ATP11A: variants seen among roughly 807,000 people sequenced by gnomAD.
The protein encoded by ATP11A is ATPase phospholipid transporting 11A.
A neutral mutation model predicts 154.4 loss-of-function variants in ATP11A; 81 were observed. That is an observed-to-expected ratio of 0.52 (90% confidence interval 0.44 to 0.63). ATP11A has a LOEUF of 0.63. ATP11A is among the 30% of genes least tolerant of loss of function. ATP11A has a pLI of 0.00. For missense variants in ATP11A, 1,316 were observed against 1,474.3 expected (o/e 0.89, Z 1.76); for synonymous variants, 623 against 585.9 (o/e 1.06, Z -0.91).
rs57337881 is a variant in ATP11A at position 112,859,700 on chromosome 13, G to C, written c.2727+248G>C. On this transcript the variant is annotated intron_variant, in intron 23 of 29. Transcript: ENST00000375645. This position sits in a 1 kb window ranked among gnomAD's most constrained non-coding sequence, Gnocchi z 4.3. ...TGAAACTGCCGTGGCCCTGAGATGC[G>C]GGCCAGTGATGATGTGGTCTCCTCA... 6.6e-6 allele frequency among the ~76,000 whole-genome samples: 1 copy of C among 152,276 alleles called. No homozygotes were observed. The highest frequency in any genetic ancestry group is 2.4e-5 in the African/African-American group (1 of 41,542).
At chr13:112,718,112 C>T (rs1594401127) in intron 1 of ATP11A, among the ~76,000 whole-genome samples, 1 of 152,116 alleles carries the variant, frequency 6.6e-6, no homozygotes, top group African/African-American at 2.4e-5. Flanking sequence ...TTGCCACCGC[C>T]CCCTGCCCCC....
At chr13:112,824,475 A>G (rs375830333) in intron 10 of ATP11A, 50 bp downstream of exon 10, 108 of 1,556,692 alleles carry the variant, frequency 6.9e-5, no homozygotes, top group Non-Finnish European at 9.1e-5. Context: ...GTCATTACCC[A>G]CTGTAGAAAT....
rs528922521 is a variant in ATP11A, at chr13:112,740,370, C to T, written c.40-44765C>T. 1.1e-4 allele frequency among the ~76,000 whole-genome samples: 16 copies of T among 152,120 alleles called. No homozygotes were observed. The East Asian group carries it at 2.5e-3, about 24-fold the overall frequency. On this transcript the variant is annotated intron_variant, in intron 1 of 29. Transcript: ENST00000375645. Reference sequence around the variant, plus strand: ...TGTATTTTTAGTAGAGACAGGGTTTCGCCATGTTGGCCAGGCTGGTCTTGA... The same window carrying T: ...TGTATTTTTAGTAGAGACAGGGTTTTGCCATGTTGGCCAGGCTGGTCTTGA...
chr13:112,852,953 G>T (rs1479432439), intron 18 of ATP11A, among the ~76,000 whole-genome samples: 1 of 152,208 alleles, frequency 6.6e-6, no homozygotes, highest in Non-Finnish European at 1.5e-5. Flanking sequence ...AGGCCCGGTG[G>T]AGCACGCTTG....
At chr13:112,840,775 A>C (rs1293778705) in intron 16 of ATP11A, among the ~76,000 whole-genome samples, 1 of 151,804 alleles carries the variant, frequency 6.6e-6, no homozygotes, top group Non-Finnish European at 1.5e-5. Flanking sequence ...AAGGAAGGCA[A>C]GGCGGACCCC....
intron 22 of ATP11A, chr13:112,858,987 C>A (rs1331363933): frequency 1.1e-5 from 3 of 268,180 alleles, no homozygotes; most frequent in Non-Finnish European, 1.5e-5. Context: ...TGAGGAGGGC[C>A]TGCCGTGCCG....
rs1594291440 is a variant in ATP11A, at chr13:112,690,549, G to A, written c.39+94G>A. On this transcript the variant is annotated intron_variant, in intron 1 of 29. Transcript: ENST00000375645. This position sits in a 1 kb window ranked among gnomAD's most constrained non-coding sequence, Gnocchi z 5.6. ...ACCCTGTGGCCGGTCCAGCCCCGGG[G>A]TCCCGGGAGGTCTCCGATGTCTGGG... is the stretch of plus-strand genomic sequence containing the variant. The A allele has an allele frequency of 8.5e-7, 1 of 1,169,952 alleles. No individual in the cohort carries two copies. The highest frequency in any genetic ancestry group is 1.6e-5 in the African/African-American group (1 of 62,696). The allele number at this position is 1,169,952 out of a possible 1,614,324, so 72.5% of individuals were successfully genotyped here. A position where few individuals can be genotyped will look rare whatever the true frequency, so the allele number is the denominator to read the frequency against.
rs140783913 is a variant in ATP11A at position 112,862,011 on chromosome 13, G to GCAGGCGTAAGGCGTCACGT, written c.2856-417_2856-399dup. ...GTCACGTCAGGCGTAAGGTGTCACA[G>GCAGGCGTAAGGCGTCACGT]CAGGCGTAAGGCGTCACGTCAGGCG... On this transcript the variant is annotated intron_variant, in intron 24 of 29. Coordinates refer to ENST00000375645, the MANE Select transcript of ATP11A (RefSeq NM_015205.3). 3.1e-5 allele frequency among the ~76,000 whole-genome samples: 3 copies of GCAGGCGTAAGGCGTCACGT among 95,276 alleles called. No homozygotes were observed. The South Asian group carries it at 1.1e-3, about 34-fold the overall frequency. The allele number at this position is 95,276 out of a possible 152,430, so 62.5% of individuals were successfully genotyped here. A position where few individuals can be genotyped will look rare whatever the true frequency, so the allele number is the denominator to read the frequency against.
At chr13:112,728,306 G>T (rs1890101741) in intron 1 of ATP11A, among the ~76,000 whole-genome samples, 1 of 151,972 alleles carries the variant, frequency 6.6e-6, no homozygotes, top group South Asian at 2.1e-4. Flanking sequence ...TCCACGCGTG[G>T]ATGGGCCATG....
intron 3 of ATP11A, among the ~76,000 whole-genome samples, chr13:112,805,813 G>A (rs2078307476): frequency 6.6e-6 from 1 of 152,120 alleles, no homozygotes. Flanking sequence ...TGCCAAATGT[G>A]TTTTAAGAAC....
chr13:112,866,904 T>G (rs1185717243), intron 25 of ATP11A, among the ~76,000 whole-genome samples: 1 of 152,218 alleles, frequency 6.6e-6, no homozygotes, highest in African/African-American at 2.4e-5. Context: ...CTTTAAGTTT[T>G]CTAGAACTTA....
intron 4 of ATP11A, among the ~76,000 whole-genome samples, chr13:112,809,241 G>A (rs539706438): frequency 6.6e-6 from 1 of 152,338 alleles, no homozygotes; most frequent in African/African-American, 2.4e-5. Context: ...GTATTTCAGC[G>A]ATTTGGGAGG....
In ATP11A at chr13:112,790,009, A is replaced by G. The variant is rs531790013; in HGVS notation, c.162+4752A>G. Among the ~76,000 whole-genome samples, 48 of 140,322 alleles carry G rather than the reference A, an allele frequency of 3.4e-4. No individual in the cohort carries two copies. In the South Asian group the frequency reaches 0.011, roughly 33 times the overall value. The allele number at this position is 140,322 out of a possible 152,430, so 92.1% of individuals were successfully genotyped here. A position where few individuals can be genotyped will look rare whatever the true frequency, so the allele number is the denominator to read the frequency against. On this transcript the variant is annotated intron_variant, in intron 2 of 29. Coordinates refer to ENST00000375645, the MANE Select transcript of ATP11A (RefSeq NM_015205.3). ...ACCCCTGTGTAGATCTACTTAATTCACACCCAGCATCCTGACCTGTAGACC... is the reference window on the plus strand; with the variant it reads ...ACCCCTGTGTAGATCTACTTAATTCGCACCCAGCATCCTGACCTGTAGACC...
rs2076748369 is a variant in ATP11A, at chr13:112,753,576, T to G, written c.40-31559T>G. ...GCAGGTTGAGAATCTTTTTATGTGT[T>G]TAAGTCCATTTGCTGTTCTTTTCTC... On this transcript the variant is annotated intron_variant, in intron 1 of 29. Transcript: ENST00000375645. This position sits in a 1 kb window ranked among gnomAD's most constrained non-coding sequence, Gnocchi z 4.1. Among the ~76,000 whole-genome samples, 1 of 152,232 alleles carries G rather than the reference T, an allele frequency of 6.6e-6. No individual in the cohort carries two copies. The highest frequency in any genetic ancestry group is 2.1e-4 in the South Asian group (1 of 4,830).
At chr13:112,805,185 T>A in intron 3 of ATP11A, 139 bp downstream of exon 3, 7 of 580,030 alleles carry the variant, frequency 1.2e-5, no homozygotes, top group East Asian at 3.3e-5. Flanking sequence ...TTTATTTTCT[T>A]AAGGAAGGGC....
At chr13:112,752,861 C>T (rs1297966623) in intron 1 of ATP11A, among the ~76,000 whole-genome samples, 3 of 152,202 alleles carry the variant, frequency 2.0e-5, no homozygotes, top group African/African-American at 7.2e-5. Flanking sequence ...AGCCAGGATG[C>T]ACCCACCTGG....
At chr13:112,810,487 T>A in intron 4 of ATP11A, 132 bp from the exon 5 acceptor site, 1 of 726,632 alleles carries the variant, frequency 1.4e-6, no homozygotes, top group Non-Finnish European at 2.3e-6. Context: ...ATCCTCATGC[T>A]GAAAAATACA....
intron 2 of ATP11A, among the ~76,000 whole-genome samples, chr13:112,788,116 A>T (rs993888879): frequency 2.7e-5 from 4 of 150,276 alleles, no homozygotes; most frequent in African/African-American, 9.8e-5. Context: ...GTGTAGACCT[A>T]CTTAATCCAC....
At chr13:112,764,946 A>C (rs906174974) in intron 1 of ATP11A, among the ~76,000 whole-genome samples, 1 of 152,100 alleles carries the variant, frequency 6.6e-6, no homozygotes, top group African/African-American at 2.4e-5. Context: ...CACTTGCCTC[A>C]CTCGGATCCC....
Sources: allele counts gnomAD v4.1 joint callset (sites outside exome capture counted in the v4.1 genomes callset), GRCh38; gene constraint gnomAD v4.1.1; non-coding constraint Gnocchi (gnomAD v3.1); transcripts MANE v1.5; gene names NCBI Gene and HGNC (gene_info 2026-07-23, HGNC 2026-07-21).